The following MTA1 variants were observed in gnomAD, a reference collection of about 807,000 sequenced individuals.
MTA1 encodes metastasis-associated protein MTA1.
A neutral mutation model predicts 97.0 loss-of-function variants in MTA1; 15 were observed. That is an observed-to-expected ratio of 0.15 (90% CI 0.10 to 0.24). MTA1 has a LOEUF of 0.24. Ranked by LOEUF, MTA1 falls within the 10% of genes least tolerant of loss-of-function variation. The pLI is 1.00. For missense variants in MTA1, 709 were observed against 1,015.1 expected (o/e 0.70, Z 4.10); for synonymous variants, 435 against 417.5 (o/e 1.04, Z -0.51).
At chr14:105,423,337 G>A (rs2081910395) in intron 1 of MTA1, among the ~76,000 whole-genome samples, 1 of 149,412 alleles carries the variant, frequency 6.7e-6, no homozygotes, top group South Asian at 2.1e-4. Context: ...TCCTGCCTCA[G>A]CCTCCCAAGT....
chr14:105,430,203 T>A (rs1187672337), intron 1 of MTA1, among the ~76,000 whole-genome samples: 4 of 152,176 alleles, frequency 2.6e-5, no homozygotes, highest in African/African-American at 7.2e-5. Flanking sequence ...AGCTTTTGTT[T>A]TAAAGTGAGA....
At chr14:105,464,957 T>G in intron 15 of MTA1, 94 bp downstream of exon 15, 1 of 1,451,924 alleles carries the variant, frequency 6.9e-7, no homozygotes, top group Non-Finnish European at 9.1e-7. Flanking sequence ...CACTGGGAGT[T>G]CTGATCTCAG....
At position 105,466,753 on chromosome 14, in the gene MTA1, G is replaced by C. The variant is rs1555433006; in HGVS notation, c.1813+11G>C. The C allele has an allele frequency of 5.7e-6, 9 of 1,574,002 alleles. No homozygotes were observed. The highest frequency in any genetic ancestry group is 2.2e-4 in the Middle Eastern group (1 of 4,482). ...TGATGCCCAGTAGGGGTAAGGCCTG[G>C]AGCCGCGGGCGGGCGCTGCGCCGGC... is the stretch of plus-strand genomic sequence containing the variant. On this transcript the variant is annotated intron_variant, in intron 18 of 20. Transcript: ENST00000331320.
chr14:105,420,117 G>A lies in MTA1; in HGVS notation c.28+54G>A, dbSNP rs2081774965. On this transcript the variant is annotated intron_variant, in intron 1 of 20. Transcript: ENST00000331320. The surrounding 1 kb of genome is among the most constrained non-coding windows in gnomAD (Gnocchi z 5.3). ...CCCGACCCGCCCGCAGCCCCCACCC[G>A]CCGCCGCTGCCGCCTCCCCCGCCCC... 1.4e-6 allele frequency: 1 copy of A among 700,988 alleles called. No homozygotes were observed. 43.4% of individuals were successfully genotyped at this position (700,988 alleles called of 1,614,324 possible).
intron 2 of MTA1, among the ~76,000 whole-genome samples, chr14:105,441,533 G>C (rs1163304923): frequency 1.3e-5 from 2 of 152,218 alleles, no homozygotes; most frequent in Non-Finnish European, 2.9e-5. Context: ...AGGGGCTCAC[G>C]CCTGGAATCC....
At chr14:105,462,922 G>A (rs2083415212) in intron 10 of MTA1, among the ~76,000 whole-genome samples, 1 of 152,204 alleles carries the variant, frequency 6.6e-6, no homozygotes. Flanking sequence ...GTGCCACCTC[G>A]GCAAGATCTC....
At chr14:105,469,591 A>G (rs950858265) in intron 19 of MTA1, 93 bp downstream of exon 19, 3 of 1,455,382 alleles carry the variant, frequency 2.1e-6, no homozygotes, top group Non-Finnish European at 2.9e-6. Flanking sequence ...GCCAGGTGCC[A>G]CGTGGAAGCT....
At chr14:105,460,689 TGAGG>T in intron 9 of MTA1, 72 bp from the exon 10 acceptor site, 1 of 1,430,724 alleles carries the variant, frequency 7.0e-7, no homozygotes, top group Non-Finnish European at 9.3e-7. Flanking sequence ...CTTGAGGTAC[TGAGG>T]GAGGGGGTAC....
chr14:105,440,496 G>A (rs971703793), intron 2 of MTA1, among the ~76,000 whole-genome samples: 5 of 152,258 alleles, frequency 3.3e-5, no homozygotes, highest in Non-Finnish European at 5.9e-5. Context: ...TGTCAGGAAG[G>A]TTCCCTCGTG....
chr14:105,430,407 A>G (rs961779418), intron 1 of MTA1, among the ~76,000 whole-genome samples: 1 of 152,178 alleles, frequency 6.6e-6, no homozygotes, highest in Non-Finnish European at 1.5e-5. Flanking sequence ...TAGTTGGGGT[A>G]TGGCTCATGA....
At position 105,463,366 on chromosome 14, in the gene MTA1, A is replaced by G; in HGVS notation, c.1017+108A>G. 1 of 1,488,104 alleles carries G rather than the reference A, an allele frequency of 6.7e-7. No homozygotes were observed. The highest frequency in any genetic ancestry group is 1.1e-5 in the South Asian group (1 of 87,564). 92.2% of individuals were successfully genotyped at this position (1,488,104 alleles called of 1,614,324 possible). A position where few individuals can be genotyped will look rare whatever the true frequency, so the allele number is the denominator to read the frequency against. On this transcript the variant is annotated intron_variant, in intron 11 of 20. Transcript: ENST00000331320. This position sits in a 1 kb window ranked among gnomAD's most constrained non-coding sequence, Gnocchi z 5.9. Reference sequence around the variant, plus strand: ...CTGCTGCAGCAGGAGGGGAAGGAAGACTCCTGAGTCCCTGGCCCGGCTGTC... The same window carrying G: ...CTGCTGCAGCAGGAGGGGAAGGAAGGCTCCTGAGTCCCTGGCCCGGCTGTC...
At chr14:105,454,497 C>A (rs1349128266) in intron 7 of MTA1, 187 bp downstream of exon 7, 4 of 528,386 alleles carry the variant, frequency 7.6e-6, no homozygotes, top group South Asian at 2.1e-5. Flanking sequence ...AGCCTTCCCC[C>A]ACCCACTCCT....
rs1455330574 is a variant in MTA1 at position 105,422,323 on chromosome 14, G to A, written c.28+2260G>A. 3.9e-5 allele frequency among the ~76,000 whole-genome samples: 6 copies of A among 152,140 alleles called. No homozygotes were observed. The highest frequency in any genetic ancestry group is 9.7e-5 in the African/African-American group (4 of 41,444). On this transcript the variant is annotated intron_variant, in intron 1 of 20. Coordinates refer to ENST00000331320, the MANE Select transcript of MTA1 (RefSeq NM_004689.4). The surrounding 1 kb of genome is among the most constrained non-coding windows in gnomAD (Gnocchi z 4.3). ...AGGTTGGCTTCCTGTCTTGGTGCTC[G>A]CTCGGGGAGGTGGGCGTCTGGATTC...
chr14:105,431,430 C>G (rs2082175191), intron 1 of MTA1, among the ~76,000 whole-genome samples: 1 of 152,122 alleles, frequency 6.6e-6, no homozygotes, highest in Non-Finnish European at 1.5e-5. Flanking sequence ...GAAATAGAAG[C>G]CACAAGTAAC....
intron 2 of MTA1, among the ~76,000 whole-genome samples, chr14:105,443,251 G>A (rs1240394787): frequency 6.6e-6 from 1 of 152,206 alleles, no homozygotes; most frequent in Admixed American, 6.5e-5. Flanking sequence ...ATAGTGAGCA[G>A]ATACAGATGC....
At chr14:105,440,523 T>C (rs984681408) in intron 2 of MTA1, among the ~76,000 whole-genome samples, 1 of 152,244 alleles carries the variant, frequency 6.6e-6, no homozygotes, top group Non-Finnish European at 1.5e-5. Flanking sequence ...CCGGCTTCCA[T>C]GTGCAGACAG....
chr14:105,464,627 C>A (rs1273445873), intron 14 of MTA1, 47 bp from the exon 15 acceptor site: 4 of 1,608,432 alleles, frequency 2.5e-6, no homozygotes, highest in South Asian at 1.1e-5. Context: ...GGGTCCTCGG[C>A]CCCCGGTCAT....
chr14:105,463,748 T>C lies in MTA1; in HGVS notation c.1076+197T>C, dbSNP rs1397793083. The C allele has an allele frequency of 4.8e-6, 3 of 626,820 alleles. No individual in the cohort carries two copies. Among genetic ancestry groups the C allele is most frequent in the Non-Finnish European group, 8.4e-6 (3 of 357,728 alleles). 38.8% of individuals were successfully genotyped at this position (626,820 alleles called of 1,614,324 possible). A position where few individuals can be genotyped will look rare whatever the true frequency, so the allele number is the denominator to read the frequency against. ...TGGCCATGTCTCTGTCGTCCTGGCC[T>C]CCTGGTCAGTAAGGGGGCATTGGGA... On this transcript the variant is annotated intron_variant, in intron 12 of 20. Transcript: ENST00000331320. The surrounding 1 kb of genome is among the most constrained non-coding windows in gnomAD (Gnocchi z 5.9).
At chr14:105,442,274 A>G (rs1555425945) in intron 2 of MTA1, among the ~76,000 whole-genome samples, 1 of 152,214 alleles carries the variant, frequency 6.6e-6, no homozygotes, top group East Asian at 1.9e-4. Context: ...GCCAAGCTCC[A>G]TCTCCCGGAA....
Sources: gnomAD v4.1 joint callset for allele counts (sites outside exome capture counted in the v4.1 genomes callset) on GRCh38, gnomAD v4.1.1 for gene constraint, Gnocchi (gnomAD v3.1) non-coding constraint, MANE v1.5 for transcripts, NCBI Gene and HGNC (gene_info 2026-07-23, HGNC 2026-07-21) for gene names.